Variants in CDK5RAP2 observed in about 807,000 individuals in gnomAD.
CDK5RAP2 encodes CDK5 regulatory subunit associated protein 2.
In CDK5RAP2, 147 loss-of-function variants were observed where a neutral mutation model predicts 232.9. That is an observed-to-expected ratio of 0.63 (90% CI 0.55 to 0.72). The LOEUF is 0.72. CDK5RAP2 is among the 30% of genes least tolerant of loss of function. CDK5RAP2 has a pLI of 0.00. For missense variants in CDK5RAP2, 2,195 were observed against 2,231.5 expected (o/e 0.98, Z 0.33); for synonymous variants, 833 against 833.7 (o/e 1.00, Z 0.01).
At chr9:120,518,210 T>TGACAGA (rs1392875462) in intron 12 of CDK5RAP2, among the ~76,000 whole-genome samples, 3 of 44,014 alleles carry the variant, frequency 6.8e-5, no homozygotes, top group East Asian at 7.9e-4. Context: ...TGTGTGTGTG[T>TGACAGA]GAGAGAGAGA....
At chr9:120,410,038 C>T (rs775612331) in intron 29 of CDK5RAP2, among the ~76,000 whole-genome samples, 11 of 152,170 alleles carry the variant, frequency 7.2e-5, no homozygotes, top group Non-Finnish European at 1.5e-4. Context: ...AGTTGACCTG[C>T]ACCAGCACTA....
At chr9:120,485,369 A>G (rs1336985075) in intron 14 of CDK5RAP2, among the ~76,000 whole-genome samples, 1 of 142,698 alleles carries the variant, frequency 7.0e-6, no homozygotes, top group Middle Eastern at 3.5e-3. Flanking sequence ...ATCTCAGCTC[A>G]CTGCAACCTC....
At chr9:120,426,099 A>G (rs2034881890) in intron 25 of CDK5RAP2, among the ~76,000 whole-genome samples, 1 of 152,248 alleles carries the variant, frequency 6.6e-6, no homozygotes, top group Admixed American at 6.5e-5. Context: ...GGGCAGTTCC[A>G]GGGATTCTTA....
intron 12 of CDK5RAP2, among the ~76,000 whole-genome samples, chr9:120,514,187 G>C (rs917640282): frequency 2.0e-5 from 3 of 152,170 alleles, no homozygotes; most frequent in African/African-American, 7.2e-5. Context: ...ATGTGTAAAG[G>C]TAGTCACGAT....
chr9:120,413,252 C>T (rs143052937), intron 28 of CDK5RAP2, among the ~76,000 whole-genome samples: 13 of 152,284 alleles, frequency 8.5e-5, no homozygotes, highest in African/African-American at 2.2e-4. Flanking sequence ...GATCCACTTC[C>T]GATGCTAGGA....
intron 6 of CDK5RAP2, among the ~76,000 whole-genome samples, chr9:120,538,759 C>G (rs1299920469): frequency 6.6e-6 from 1 of 152,156 alleles, no homozygotes; most frequent in Non-Finnish European, 1.5e-5. Flanking sequence ...AGGATTAAAC[C>G]TACTAGTATT....
chr9:120,405,308 TAA>T (rs1311944268), intron 32 of CDK5RAP2, among the ~76,000 whole-genome samples: 1 of 152,238 alleles, frequency 6.6e-6, no homozygotes, highest in Non-Finnish European at 1.5e-5. Context: ...AAGGAAATTA[TAA>T]AACTTTTCTG....
In CDK5RAP2 at chr9:120,404,124, CA is replaced by C; in HGVS notation, c.4964-12del. ...GATATTTGTCACCATCTACAAAATG[CA>C]AAACACGAGAACTGTTAGTTTCACT... On this transcript the variant is annotated splice_polypyrimidine_tract_variant and intron_variant, in intron 32 of 37. Coordinates refer to ENST00000349780, the MANE Select transcript of CDK5RAP2 (RefSeq NM_018249.6). The C allele has an allele frequency of 6.4e-7, 1 of 1,574,592 alleles. No homozygotes were observed. Among genetic ancestry groups the C allele is most frequent in the Non-Finnish European group, 8.7e-7 (1 of 1,144,230 alleles).
rs533378348 is a variant in CDK5RAP2, at chr9:120,408,279, A to G, written c.4726+68T>C. On this transcript the variant is annotated intron_variant, in intron 31 of 37. Transcript: ENST00000349780. ...GGCTGAGCTCTGCCCTCCTGTGCCT[A>G]CAGCCAGCTGTCGGGTGGTCTTACA... 219 of 1,600,752 alleles carry G rather than the reference A, an allele frequency of 1.4e-4. 2 individuals carry two copies. In the South Asian group the frequency reaches 2.2e-3, roughly 16 times the overall value.
At chr9:120,457,282 CCT>C (rs1440154108) in intron 20 of CDK5RAP2, among the ~76,000 whole-genome samples, 1 of 152,176 alleles carries the variant, frequency 6.6e-6, no homozygotes, top group African/African-American at 2.4e-5. Context: ...GAGCATTCCC[CCT>C]GACCGCCCAG....
chr9:120,528,004 A>C, intron 9 of CDK5RAP2, 79 bp from the exon 10 acceptor site: 3 of 1,532,488 alleles, frequency 2.0e-6, no homozygotes, highest in Non-Finnish European at 2.7e-6. Flanking sequence ...TTAAGAGCAC[A>C]CTCAAATGCA....
At chr9:120,548,698 A>G (rs1191801310) in intron 4 of CDK5RAP2, among the ~76,000 whole-genome samples, 2 of 152,244 alleles carry the variant, frequency 1.3e-5, no homozygotes, top group Admixed American at 6.5e-5. Context: ...TGTAGTCCCA[A>G]CTACTCAGGA....
rs1464533851 is a variant in CDK5RAP2, at chr9:120,448,053, G to A, written c.2867C>T (p.Ala956Val). 1 of 1,614,088 alleles carries A rather than the reference G, an allele frequency of 6.2e-7. No homozygotes were observed. The highest frequency in any genetic ancestry group is 8.5e-7 in the Non-Finnish European group (1 of 1,179,986). The change falls in exon 22 of 38, where the codon GCC becomes GTC. Residue 956 changes from alanine (A) to valine (V), a missense_variant. Coordinates refer to ENST00000349780, the MANE Select transcript of CDK5RAP2 (RefSeq NM_018249.6). ...CAGCTGCGTCACCACCTCCTGGGTG[G>A]CAGGGAGACGATACATATTTCCTAA... ...RSLGNMYRLP[A>V]TQEVVTQLQS...
chr9:120,528,459 G>A (rs1375571415), intron 9 of CDK5RAP2, among the ~76,000 whole-genome samples: 2 of 152,188 alleles, frequency 1.3e-5, no homozygotes, highest in Non-Finnish European at 2.9e-5. Flanking sequence ...ACATGGGCAG[G>A]TCCAAATCTT....
intron 25 of CDK5RAP2, among the ~76,000 whole-genome samples, chr9:120,423,490 A>G (rs1247422954): frequency 6.6e-6 from 1 of 152,232 alleles, no homozygotes; most frequent in Non-Finnish European, 1.5e-5. Context: ...AATGATTTAA[A>G]AAAATGACAA....
At chr9:120,438,975 T>C (rs2035739464) in intron 24 of CDK5RAP2, among the ~76,000 whole-genome samples, 1 of 152,060 alleles carries the variant, frequency 6.6e-6, no homozygotes, top group African/African-American at 2.4e-5. Flanking sequence ...ATATGGAAAA[T>C]ATTTATATTC....
At chr9:120,568,920 T>G (rs777568445) in intron 2 of CDK5RAP2, among the ~76,000 whole-genome samples, 3 of 152,188 alleles carry the variant, frequency 2.0e-5, no homozygotes, top group Non-Finnish European at 4.4e-5. Flanking sequence ...CCAATAAAAG[T>G]TTATTTTCAA....
At chr9:120,477,288 T>C in intron 15 of CDK5RAP2, 62 bp downstream of exon 15, 1 of 1,151,754 alleles carries the variant, frequency 8.7e-7, no homozygotes, top group Non-Finnish European at 1.3e-6. Flanking sequence ...TGTGTGCGTG[T>C]ATGCGCGTGC....
chr9:120,425,333 C>T (rs2034827197), intron 25 of CDK5RAP2, among the ~76,000 whole-genome samples: 1 of 152,128 alleles, frequency 6.6e-6, no homozygotes, highest in Non-Finnish European at 1.5e-5. Flanking sequence ...ACAACTAATG[C>T]ATTGAATTTC....
Sources: allele counts gnomAD v4.1 joint callset (sites outside exome capture counted in the v4.1 genomes callset), GRCh38; gene constraint gnomAD v4.1.1; transcripts MANE v1.5; gene names NCBI Gene and HGNC (gene_info 2026-07-23, HGNC 2026-07-21).